Variants in DACH1 observed in about 807,000 individuals in gnomAD.
DACH1 encodes dachshund family transcription factor 1.
Under a neutral mutation model 54.2 loss-of-function variants are expected in DACH1, and 12 were observed. The ratio of observed to expected loss-of-function variants is 0.22; its 90% CI spans 0.14 to 0.36. DACH1 has a LOEUF of 0.36. Ranked by LOEUF, DACH1 falls within the 10% of genes least tolerant of loss-of-function variation. The pLI is 1.00. For synonymous variants in DACH1, 386 were observed against 366.2 expected (o/e 1.05, Z -0.62); for missense variants, 805 against 929.8 (o/e 0.87, Z 1.75).
At chr13:71,729,106 A>C (rs886839688) in intron 1 of DACH1, among the ~76,000 whole-genome samples, 2 of 152,016 alleles carry the variant, frequency 1.3e-5, no homozygotes, top group African/African-American at 4.8e-5. Context: ...GATGGACAAT[A>C]GAGAGGAGAG....
At chr13:71,447,638 C>A (rs1009581639) in intron 10 of DACH1, among the ~76,000 whole-genome samples, 1 of 151,912 alleles carries the variant, frequency 6.6e-6, no homozygotes, top group Non-Finnish European at 1.5e-5. Context: ...TCGAGACCAT[C>A]CTGCCATCAT....
At chr13:71,549,573 C>T (rs1261890343) in intron 6 of DACH1, among the ~76,000 whole-genome samples, 1 of 151,944 alleles carries the variant, frequency 6.6e-6, no homozygotes, top group Non-Finnish European at 1.5e-5. Flanking sequence ...AAAAAAGTTG[C>T]TAAAATCTAA....
At chr13:71,844,516 C>T (rs1873093556) in intron 1 of DACH1, among the ~76,000 whole-genome samples, 1 of 152,092 alleles carries the variant, frequency 6.6e-6, no homozygotes, top group Admixed American at 6.5e-5. Context: ...ACCTCCTCTC[C>T]TAAATGTCTA....
chr13:71,645,197 C>A (rs2138607796), intron 2 of DACH1, among the ~76,000 whole-genome samples: 1 of 152,210 alleles, frequency 6.6e-6, no homozygotes, highest in Middle Eastern at 3.4e-3. Context: ...GTCGGAAGAG[C>A]AATTGATAAA....
At chr13:71,679,113 A>G (rs939906419) in intron 2 of DACH1, among the ~76,000 whole-genome samples, 8 of 152,214 alleles carry the variant, frequency 5.3e-5, no homozygotes, top group Non-Finnish European at 1.0e-4. Context: ...AAAGAACAAA[A>G]GTAGAATGTC....
In DACH1 at chr13:71,816,620, G is replaced by GTATATATATACACACACATA. The variant is rs1491248050; in HGVS notation, c.848+49301_848+49302insTATGTGTGTGTATATATATA. On this transcript the variant is annotated intron_variant, in intron 1 of 10. Transcript: ENST00000613252. ...CACATATGTGTGTATATATATACAC[G>GTATATATATACACACACATA]TGTATATATACACACACATATGTGT... 6.6e-4 allele frequency among the ~76,000 whole-genome samples: 14 copies of GTATATATATACACACACATA among 21,228 alleles called. 2 individuals are homozygous for GTATATATATACACACACATA. Among genetic ancestry groups the GTATATATATACACACACATA allele is most frequent in the Admixed American group, 2.0e-3 (3 of 1,518 alleles). 13.9% of individuals were successfully genotyped at this position (21,228 alleles called of 152,430 possible).
intron 1 of DACH1, among the ~76,000 whole-genome samples, chr13:71,695,888 T>C (rs1373771724): frequency 6.6e-6 from 1 of 152,098 alleles, no homozygotes; most frequent in South Asian, 2.1e-4. Flanking sequence ...GCAAAGCAAA[T>C]ATTGAGTGTT....
At chr13:71,611,074 G>A (rs1875294763) in intron 3 of DACH1, among the ~76,000 whole-genome samples, 1 of 152,180 alleles carries the variant, frequency 6.6e-6, no homozygotes, top group Non-Finnish European at 1.5e-5. Context: ...GGCTCAGGCA[G>A]TGTATAAGCA....
At chr13:71,655,864 T>A (rs1346097393) in intron 2 of DACH1, among the ~76,000 whole-genome samples, 1 of 152,148 alleles carries the variant, frequency 6.6e-6, no homozygotes, top group Non-Finnish European at 1.5e-5. Flanking sequence ...AAAACTTTAT[T>A]TACAAAATGT....
chr13:71,847,047 C>T (rs1473948672), intron 1 of DACH1, among the ~76,000 whole-genome samples: 2 of 151,820 alleles, frequency 1.3e-5, no homozygotes, highest in Non-Finnish European at 2.9e-5. Context: ...ATAGACAAAC[C>T]TTAATTAATA....
At chr13:71,802,038 T>C (rs1887309327) in intron 1 of DACH1, among the ~76,000 whole-genome samples, 1 of 152,072 alleles carries the variant, frequency 6.6e-6, no homozygotes, top group South Asian at 2.1e-4. Context: ...CTCTTGTTAA[T>C]TTGCTTGCTG....
chr13:71,624,226 T>C (rs1482958598), intron 3 of DACH1, among the ~76,000 whole-genome samples: 1 of 151,918 alleles, frequency 6.6e-6, no homozygotes, highest in African/African-American at 2.4e-5. Flanking sequence ...ATATTAACCA[T>C]ATGGCCTATT....
intron 1 of DACH1, among the ~76,000 whole-genome samples, chr13:71,864,164 A>AGC (rs139243818): frequency 5.3e-5 from 6 of 112,358 alleles, no homozygotes; most frequent in Non-Finnish European, 9.9e-5. Flanking sequence ...CATACTTTTG[A>AGC]GCGCGCGCGC....
chr13:71,615,293 C>T (rs942339078), intron 3 of DACH1, among the ~76,000 whole-genome samples: 2 of 152,098 alleles, frequency 1.3e-5, no homozygotes, highest in East Asian at 1.9e-4. Context: ...TTTTATCTAT[C>T]AATAGTAATT....
intron 1 of DACH1, among the ~76,000 whole-genome samples, chr13:71,853,194 TCTCAATCA>T (rs1873782233): frequency 6.6e-6 from 1 of 152,188 alleles, no homozygotes; most frequent in African/African-American, 2.4e-5. Flanking sequence ...CAGAAACCTC[TCTCAATCA>T]CTACATTTTA....
At chr13:71,654,501 AAATAAAATAAAATAAAATAC>A (rs1878954642) in intron 2 of DACH1, among the ~76,000 whole-genome samples, 1 of 146,938 alleles carries the variant, frequency 6.8e-6, no homozygotes, top group African/African-American at 2.5e-5. Context: ...AAATAAAATA[AAATAAAATAAAATAAAATAC>A]AACTAATAAA....
intron 1 of DACH1, among the ~76,000 whole-genome samples, chr13:71,755,715 ACTAT>A (rs1036036355): frequency 1.1e-4 from 16 of 152,312 alleles, no homozygotes; most frequent in East Asian, 7.7e-4. Flanking sequence ...TCCCCAAATT[ACTAT>A]CTAAGAATAG....
At chr13:71,787,080 G>A (rs1439788535) in intron 1 of DACH1, among the ~76,000 whole-genome samples, 1 of 152,060 alleles carries the variant, frequency 6.6e-6, no homozygotes, top group Non-Finnish European at 1.5e-5. Context: ...TCTTCAATGC[G>A]AACTACAAGG....
intron 6 of DACH1, among the ~76,000 whole-genome samples, chr13:71,493,816 G>GAGTT (rs1389546189): frequency 6.6e-6 from 1 of 151,976 alleles, no homozygotes; most frequent in African/African-American, 2.4e-5. Context: ...TATCAGTTTG[G>GAGTT]AGTTAGAAAT....
Sources: allele counts gnomAD v4.1 joint callset (sites outside exome capture counted in the v4.1 genomes callset), GRCh38; gene constraint gnomAD v4.1.1; transcripts MANE v1.5; gene names NCBI Gene and HGNC (gene_info 2026-07-23, HGNC 2026-07-21).